The following DPH6 variants were observed in gnomAD, a reference collection of about 807,000 sequenced individuals.
DPH6 encodes diphthine--ammonia ligase.
Under a neutral mutation model 38.2 loss-of-function variants are expected in DPH6, and 33 were observed. The ratio of observed to expected loss-of-function variants is 0.86; its 90% CI spans 0.65 to 1.15. The LOEUF (loss-of-function observed/expected upper bound fraction) is 1.15. Among genes scored for constraint, DPH6 ranks in the 50% most tolerant of loss-of-function variants. The probability of loss-of-function intolerance (pLI) is 0.00; values close to 1 mark genes in which losing one functional copy is unlikely to be tolerated. For synonymous variants in DPH6, 108 were observed against 103.0 expected, an observed-to-expected ratio of 1.05 and a Z score of -0.30; for missense variants, 325 against 320.0, an observed-to-expected ratio of 1.02 and a Z score of -0.12.
intron 3 of DPH6, among the ~76,000 whole-genome samples, chr15:35,245,654 G>A (rs563284682): frequency 6.6e-6 from 1 of 152,316 alleles, no homozygotes; most frequent in East Asian, 1.9e-4. Context: ...CATTTTCCAA[G>A]AAGACTTATT....
chr15:35,228,908 C>G (rs1318327002), intron 3 of DPH6, among the ~76,000 whole-genome samples: 1 of 152,166 alleles, frequency 6.6e-6, no homozygotes, highest in East Asian at 1.9e-4. Context: ...CCCTGAAAGT[C>G]TGCTCCAGGC....
chr15:35,306,740 T>A (rs552877011), intron 3 of DPH6, among the ~76,000 whole-genome samples: 12 of 152,314 alleles, frequency 7.9e-5, no homozygotes, highest in Admixed American at 7.2e-4. Flanking sequence ...TTGGACTTTA[T>A]CTCCAAATAG....
intron 5 of DPH6, among the ~76,000 whole-genome samples, chr15:35,431,866 C>T (rs1338969520): frequency 1.3e-5 from 2 of 152,104 alleles, no homozygotes; most frequent in Non-Finnish European, 1.5e-5. Flanking sequence ...CGGCTCACTG[C>T]AAGCTCCGCA....
At chr15:35,211,887 C>T in the DPH6 span, among the ~76,000 whole-genome samples, 1 of 152,146 alleles carries the variant, frequency 6.6e-6, no homozygotes, top group East Asian at 1.9e-4. Context: ...CAGGGATTAC[C>T]TGCCCAACAC....
chr15:35,237,683 C>CT (rs1186790208), intron 3 of DPH6: 9 of 1,613,662 alleles, frequency 5.6e-6, no homozygotes, highest in Non-Finnish European at 7.6e-6. Context: ...GAGCTTAGAC[C>CT]TTTTCAATTG....
At chr15:35,330,592 A>G (rs1230382609), downstream of DPH6, among the ~76,000 whole-genome samples, 3 of 152,182 alleles carry the variant, frequency 2.0e-5, no homozygotes, top group Non-Finnish European at 4.4e-5. Flanking sequence ...TGGTGTTAAC[A>G]AAAGCACTTT....
chr15:35,382,802 A>G (rs2052889092), intron 6 of DPH6, among the ~76,000 whole-genome samples: 1 of 152,170 alleles, frequency 6.6e-6, no homozygotes, highest in Non-Finnish European at 1.5e-5. Context: ...CAACTTCAAG[A>G]AAGGTTGGGT....
intron 6 of DPH6, among the ~76,000 whole-genome samples, chr15:35,398,570 T>C (rs1335313099): frequency 2.0e-5 from 3 of 152,188 alleles, no homozygotes; most frequent in African/African-American, 7.2e-5. Context: ...CCTACATACA[T>C]TGCCCTATGC....
intron 3 of DPH6, among the ~76,000 whole-genome samples, chr15:35,458,654 C>A (rs991932688): frequency 2.0e-5 from 3 of 152,114 alleles, no homozygotes; most frequent in African/African-American, 7.2e-5. Context: ...AAAAGATGTA[C>A]TGAGACAGCA....
intron 3 of DPH6, among the ~76,000 whole-genome samples, chr15:35,285,829 C>CTGA (rs1377800786): frequency 7.5e-6 from 1 of 134,190 alleles, no homozygotes; most frequent in Non-Finnish European, 1.5e-5. Context: ...CACATTCTTC[C>CTGA]TGATGAGATT....
intron 3 of DPH6, among the ~76,000 whole-genome samples, chr15:35,360,365 G>A (rs190018226): frequency 1.3e-4 from 20 of 152,314 alleles, no homozygotes; most frequent in African/African-American, 4.6e-4. Context: ...CCATGGTCAA[G>A]CAAGGTTGGA....
At chr15:35,521,923 C>T in intron 3 of DPH6, 1 of 1,417,942 alleles carries the variant, frequency 7.1e-7, no homozygotes, top group Non-Finnish European at 9.2e-7. Flanking sequence ...AAGTTGAATA[C>T]ATGGAAAGTT....
At chr15:35,183,294 A>G in the DPH6 span, among the ~76,000 whole-genome samples, 1 of 152,150 alleles carries the variant, frequency 6.6e-6, no homozygotes, top group African/African-American at 2.4e-5. Flanking sequence ...GTTCCCCTAC[A>G]TTTCCTTCTC....
chr15:35,376,487 T>C (rs1595509967), intron 7 of DPH6, among the ~76,000 whole-genome samples: 2 of 152,146 alleles, frequency 1.3e-5, no homozygotes, highest in African/African-American at 4.8e-5. Flanking sequence ...ATAGCTGTCA[T>C]AATGTTGTAG....
At chr15:35,157,872 G>T in the DPH6 span, among the ~76,000 whole-genome samples, 1 of 151,972 alleles carries the variant, frequency 6.6e-6, no homozygotes, top group African/African-American at 2.4e-5. Flanking sequence ...TTAAATTTTA[G>T]GCTGAATGGG....
chr15:35,525,809 C>T (rs547556802), intron 3 of DPH6, among the ~76,000 whole-genome samples: 2 of 152,122 alleles, frequency 1.3e-5, no homozygotes, highest in Non-Finnish European at 2.9e-5. Context: ...CACTGCACCC[C>T]AGCCTGGGTG....
At chr15:35,153,095 A>T in the DPH6 span, among the ~76,000 whole-genome samples, 1 of 152,202 alleles carries the variant, frequency 6.6e-6, no homozygotes, top group Non-Finnish European at 1.5e-5. Flanking sequence ...ATGATGTGAA[A>T]ATTATGTAAA....
intron 3 of DPH6, among the ~76,000 whole-genome samples, chr15:35,481,549 G>A (rs1395078094): frequency 6.6e-6 from 1 of 152,042 alleles, no homozygotes; most frequent in East Asian, 1.9e-4. Flanking sequence ...AATATTGACT[G>A]GATATGTAAT....
At chr15:35,535,262 A>C (rs1247118574) in intron 3 of DPH6, among the ~76,000 whole-genome samples, 1 of 152,192 alleles carries the variant, frequency 6.6e-6, no homozygotes, top group East Asian at 1.9e-4. Flanking sequence ...GTATCAGCAA[A>C]AGGCTAGAGA....
Sources: allele counts gnomAD v4.1 joint callset (sites outside exome capture counted in the v4.1 genomes callset), GRCh38; gene constraint gnomAD v4.1.1; transcripts MANE v1.5; gene names NCBI Gene and HGNC (gene_info 2026-07-23, HGNC 2026-07-21).